Variants in UQCC1 observed in about 807,000 individuals in gnomAD.
The protein encoded by UQCC1 is ubiquinol-cytochrome c reductase complex assembly factor 1.
UQCC1 carries 38 observed loss-of-function variants against 48.0 expected under a neutral mutation model. The observed-to-expected ratio is 0.79, with a 90% confidence interval of 0.61 to 1.04. UQCC1 has a LOEUF of 1.04. Ranked by LOEUF, UQCC1 falls within the 50% of genes least tolerant of loss-of-function variation. The pLI is 0.00. For missense variants in UQCC1, 368 were observed against 381.8 expected (o/e 0.96, Z 0.30); for synonymous variants, 111 against 129.2 (o/e 0.86, Z 0.95).
At chr20:35,410,704 C>CAAAAAAAAAAAAAAAAAA (rs1183843739) in intron 1 of UQCC1, among the ~76,000 whole-genome samples, 32 of 2,710 alleles carry the variant, frequency 0.012, 12 homozygotes, top group African/African-American at 0.038. Context: ...GACTCTGCCT[C>CAAAAAAAAAAAAAAAAAA]AAAAAAAAAA....
rs561040992 is a variant in UQCC1, at chr20:35,324,027, G to A, written c.574-9262C>T. 8.9e-4 allele frequency among the ~76,000 whole-genome samples: 135 copies of A among 152,338 alleles called. 2 individuals carry two copies. The South Asian group carries it at 0.01, about 12-fold the overall frequency. On this transcript the variant is annotated intron_variant, in intron 7 of 9. Coordinates refer to ENST00000374385, the MANE Select transcript of UQCC1 (RefSeq NM_018244.5). ...CCTAGCACTTTGGAAGGCCATGGCA[G>A]GAGAACTGCTTGAGGCCAAGAATTA...
intron 7 of UQCC1, among the ~76,000 whole-genome samples, chr20:35,316,111 G>C (rs2061055759): frequency 6.6e-6 from 1 of 152,178 alleles, no homozygotes; most frequent in African/African-American, 2.4e-5. Flanking sequence ...GATCCCAGCA[G>C]AAAGCCAGTG....
At position 35,314,781 on chromosome 20, in the gene UQCC1, G is replaced by A. The variant is rs1674549971; in HGVS notation, c.574-16C>T. The A allele has an allele frequency of 6.4e-7, 1 of 1,567,998 alleles. No homozygotes were observed. Among genetic ancestry groups the A allele is most frequent in the South Asian group, 1.2e-5 (1 of 85,774 alleles). Reference sequence around the variant, plus strand: ...AGGGATTAACCTACAGAAACAAATGGCAAAAACAAAAGTTTGAAAGAAAGA... The same window carrying A: ...AGGGATTAACCTACAGAAACAAATGACAAAAACAAAAGTTTGAAAGAAAGA... On this transcript the variant is annotated splice_polypyrimidine_tract_variant and intron_variant, in intron 7 of 9. Coordinates refer to ENST00000374385, the MANE Select transcript of UQCC1 (RefSeq NM_018244.5).
rs752307048 is a variant in UQCC1 at position 35,303,950 on chromosome 20, G to T, written c.885C>A (p.Asn295Lys). 2 of 1,614,092 alleles carry T rather than the reference G, an allele frequency of 1.2e-6. No individual in the cohort carries two copies. Among genetic ancestry groups the T allele is most frequent in the Non-Finnish European group, 8.5e-7 (1 of 1,180,038 alleles). Residue 295 changes from asparagine (N) to lysine (K), a missense_variant, in exon 10 of 10, where the codon AAC becomes AAA. By Grantham distance (94) the Asn-to-Lys change is moderately conservative (BLOSUM62 0). Coordinates refer to ENST00000374385, the MANE Select transcript of UQCC1 (RefSeq NM_018244.5). ...SILKPHSPTY[N>K]DEGL The stretch of plus-strand genomic sequence containing the variant: ...GCCCAGCCCATCAAAGTCCCTCGTC[G>T]TTGTAAGTCGGAGAATGGGGCTTCA...
At chr20:35,409,775 A>G (rs2062316983) in intron 1 of UQCC1, among the ~76,000 whole-genome samples, 1 of 151,962 alleles carries the variant, frequency 6.6e-6, no homozygotes. Flanking sequence ...AGAGGAAAAA[A>G]TAAAGCAAGA....
chr20:35,383,476 G>A (rs1045931041), intron 3 of UQCC1, among the ~76,000 whole-genome samples: 9 of 152,094 alleles, frequency 5.9e-5, no homozygotes, highest in Non-Finnish European at 1.3e-4. Flanking sequence ...TTGGGAGGCC[G>A]AGGTGGGAGG....
chr20:35,352,454 C>T (rs1197395849), intron 6 of UQCC1, among the ~76,000 whole-genome samples: 1 of 152,224 alleles, frequency 6.6e-6, no homozygotes, highest in African/African-American at 2.4e-5. Flanking sequence ...TTAACCTTTT[C>T]TTCCCAGCCT....
intron 7 of UQCC1, among the ~76,000 whole-genome samples, chr20:35,331,259 G>A (rs890151837): frequency 1.3e-5 from 2 of 152,016 alleles, no homozygotes; most frequent in Non-Finnish European, 2.9e-5. Flanking sequence ...CCTAGGAAAG[G>A]GGGCAACACA....
chr20:35,372,013 T>TA (rs1303943840), intron 5 of UQCC1, among the ~76,000 whole-genome samples: 1 of 149,134 alleles, frequency 6.7e-6, no homozygotes, highest in South Asian at 2.2e-4. Flanking sequence ...GATCATCTCT[T>TA]AAAAAAAAGA....
chr20:35,338,892 AATATAT>A (rs1555805505), intron 7 of UQCC1, among the ~76,000 whole-genome samples: 1 of 30,560 alleles, frequency 3.3e-5, no homozygotes, highest in Non-Finnish European at 4.8e-5. Context: ...AAAAAAAAAA[AATATAT>A]ATATATATAT....
At chr20:35,308,932 T>C (rs1161552109) in intron 8 of UQCC1, among the ~76,000 whole-genome samples, 2 of 152,232 alleles carry the variant, frequency 1.3e-5, no homozygotes, top group Middle Eastern at 3.4e-3. Flanking sequence ...GCCAGGGTGG[T>C]CTCGAACTCC....
intron 2 of UQCC1, among the ~76,000 whole-genome samples, chr20:35,389,704 T>C (rs1440377955): frequency 6.6e-6 from 1 of 151,996 alleles, no homozygotes; most frequent in East Asian, 1.9e-4. Context: ...TACAACAGAG[T>C]TCCAGTTAAT....
intron 4 of UQCC1, among the ~76,000 whole-genome samples, chr20:35,379,844 G>A (rs1213817986): frequency 2.6e-5 from 4 of 151,814 alleles, no homozygotes; most frequent in Admixed American, 6.6e-5. Flanking sequence ...TAAAATGAAG[G>A]TTATAGAAAG....
intron 7 of UQCC1, among the ~76,000 whole-genome samples, chr20:35,320,791 T>C (rs1031581260): frequency 6.6e-6 from 1 of 152,244 alleles, no homozygotes; most frequent in African/African-American, 2.4e-5. Context: ...TTAAGGTTAC[T>C]GGCTTGAAGC....
chr20:35,378,787 A>G (rs1414310137), intron 4 of UQCC1, among the ~76,000 whole-genome samples: 2 of 152,208 alleles, frequency 1.3e-5, no homozygotes, highest in Non-Finnish European at 2.9e-5. Flanking sequence ...GTCCCACCTG[A>G]GGACAATTCT....
At chr20:35,359,088 T>A (rs962249627) in intron 6 of UQCC1, among the ~76,000 whole-genome samples, 2 of 152,084 alleles carry the variant, frequency 1.3e-5, no homozygotes, top group African/African-American at 4.8e-5. Flanking sequence ...AAAATGTCAC[T>A]CACTAGGAAT....
intron 2 of UQCC1, among the ~76,000 whole-genome samples, chr20:35,388,308 T>TTTTTTTTTTTG (rs67663221): frequency 0.51 from 61,464 of 120,890 alleles, 17,618 homozygotes; most frequent in East Asian, 0.67. Flanking sequence ...TCTTTTTTTT[T>TTTTTTTTTTTG]GAGACAGGGT....
intron 5 of UQCC1, 99 bp downstream of exon 5, chr20:35,374,085 T>C: frequency 1.1e-6 from 1 of 885,374 alleles, no homozygotes; most frequent in South Asian, 1.6e-5. Context: ...GGAAAAACTG[T>C]TTCACTAGGG....
chr20:35,346,852 G>A, intron 7 of UQCC1: 5 of 770,414 alleles, frequency 6.5e-6, no homozygotes, highest in Non-Finnish European at 1.0e-5. Context: ...ATCCTTAACT[G>A]GATTATCATT....
Sources: allele counts gnomAD v4.1 joint callset (sites outside exome capture counted in the v4.1 genomes callset), GRCh38; gene constraint gnomAD v4.1.1; transcripts MANE v1.5; gene names NCBI Gene and HGNC (gene_info 2026-07-23, HGNC 2026-07-21).